The following FKBP8 variants were observed in gnomAD, a reference collection of about 807,000 sequenced individuals.
FKBP8 encodes FKBP prolyl isomerase 8, also known as peptidyl-prolyl cis-trans isomerase FKBP8.
Under a neutral mutation model 41.7 loss-of-function variants are expected in FKBP8, and 5 were observed. The ratio of observed to expected loss-of-function variants is 0.12; its 90% CI spans 0.06 to 0.25. FKBP8 has a LOEUF of 0.25. Among genes scored for constraint, FKBP8 ranks in the 10% least tolerant of loss-of-function variants. The pLI, the probability that FKBP8 is intolerant of heterozygous loss-of-function variation, is 1.00. For missense variants in FKBP8, 397 were observed against 563.0 expected (o/e 0.71, Z 2.98); for synonymous variants, 279 against 254.5 (o/e 1.10, Z -0.92).
chr19:18,537,685 G>A lies in FKBP8; in HGVS notation c.861C>T (p.Asp287=), dbSNP rs1361506489. Reference sequence around the variant, plus strand: ...AGGAGCGCAGGGCTGCGCGGTAGTGGTCGAGCTTCAGCTGCGAGGCCGCCA... The same window carrying A: ...AGGAGCGCAGGGCTGCGCGGTAGTGATCGAGCTTCAGCTGCGAGGCCGCCA... ...NNLAASQLKL[D]HYRAALRSCS... Residue 287 remains aspartate, a synonymous_variant, in exon 6 of 9, where the codon GAC becomes GAT. Transcript: ENST00000608443. The surrounding 1 kb of genome is among the most constrained non-coding windows in gnomAD (Gnocchi z 4.4). The A allele has an allele frequency of 1.2e-6, 2 of 1,613,836 alleles. No homozygotes were observed. Among genetic ancestry groups the A allele is most frequent in the Non-Finnish European group, 1.7e-6 (2 of 1,180,002 alleles).
chr19:18,539,467 G>A lies in FKBP8; in HGVS notation c.463-8C>T, dbSNP rs1287182177. On this transcript the variant is annotated splice_polypyrimidine_tract_variant and splice_region_variant and intron_variant, in intron 3 of 8. Coordinates refer to ENST00000608443, the MANE Select transcript of FKBP8 (RefSeq NM_012181.5). ...GACACTGAGATCCAGGGCCTGGGGT[G>A]TGTGGGGATAGCCAGCTGTCAGGCA... 1 of 1,613,360 alleles carries A rather than the reference G, an allele frequency of 6.2e-7. No individual in the cohort carries two copies. The highest frequency in any genetic ancestry group is 8.5e-7 in the Non-Finnish European group (1 of 1,179,724).
intron 6 of FKBP8, among the ~76,000 whole-genome samples, chr19:18,535,700 G>A (rs189493769): frequency 1.3e-4 from 19 of 150,192 alleles, no homozygotes; most frequent in African/African-American, 4.7e-4. Flanking sequence ...CTCCAGCCTG[G>A]GTGACAGAGC....
At chr19:18,532,897 G>C (rs1422647525) in intron 7 of FKBP8, 102 bp from the exon 8 acceptor site, 1 of 1,525,822 alleles carries the variant, frequency 6.6e-7, no homozygotes, top group African/African-American at 1.4e-5. Context: ...TGGGACTGTT[G>C]GGACACAGGG....
intron 6 of FKBP8, among the ~76,000 whole-genome samples, chr19:18,533,685 C>T: frequency 6.7e-6 from 1 of 149,730 alleles, no homozygotes; most frequent in African/African-American, 2.5e-5. Context: ...GTCTGGGTGA[C>T]AGAGTGCAAC....
chr19:18,532,196 G>C lies in FKBP8; in HGVS notation c.1215C>G (p.Leu405=). 2 of 1,609,042 alleles carry C rather than the reference G, an allele frequency of 1.2e-6. No individual in the cohort carries two copies. The highest frequency in any genetic ancestry group is 1.7e-6 in the Non-Finnish European group (2 of 1,178,190). The change falls in exon 9 of 9, where the codon CTC becomes CTG. Residue 405 remains leucine (L), a synonymous_variant. Coordinates refer to ENST00000608443, the MANE Select transcript of FKBP8 (RefSeq NM_012181.5). ...ATAVALGGVA[L]SVVIAARN is the part of the protein sequence containing the mutation. ...AGTTCCTGGCAGCGATGACCACAGA[G>C]AGTGCCACACCCCCCAAGGCAACAG...
chr19:18,540,988 A>G (rs1568411906), intron 2 of FKBP8, among the ~76,000 whole-genome samples: 1 of 152,166 alleles, frequency 6.6e-6, no homozygotes, highest in Non-Finnish European at 1.5e-5. Flanking sequence ...TTGTTATTAC[A>G]ATTGATAGTG....
chr19:18,533,022 A>G (rs1426318542), intron 7 of FKBP8: 2 of 749,326 alleles, frequency 2.7e-6, no homozygotes, highest in Non-Finnish European at 4.2e-6. Context: ...AGGTTCTGGA[A>G]GGAAGGCCAA....
chr19:18,531,800 G>T lies in FKBP8; in HGVS notation c.*369C>A, dbSNP rs1976455508. ...TGCTTTATTTCACTGTGGCGGGGAG[G>T]GAACCTGGACAGGGGGCGGCAGGCG... On this transcript the variant is annotated 3_prime_UTR_variant, in exon 9 of 9. Transcript: ENST00000608443. 1 of 250,814 alleles carries T rather than the reference G, an allele frequency of 4.0e-6. No homozygotes were observed. The highest frequency in any genetic ancestry group is 8.3e-5 in the East Asian group (1 of 12,092). 15.5% of individuals were successfully genotyped at this position (250,814 alleles called of 1,614,324 possible). A position where few individuals can be genotyped will look rare whatever the true frequency, so the allele number is the denominator to read the frequency against.
Position 18,538,409 on chromosome 19 carries a change from C to T in FKBP8, c.579G>A (p.Ala193=), listed in dbSNP as rs1976627831. The T allele has an allele frequency of 1.2e-6, 2 of 1,612,714 alleles. No individual in the cohort carries two copies. Among genetic ancestry groups the T allele is most frequent in the African/African-American group, 1.3e-5 (1 of 74,886 alleles). Residue 193 remains alanine (A), a synonymous_variant, in exon 5 of 9, where the codon GCG becomes GCA. Coordinates refer to ENST00000608443, the MANE Select transcript of FKBP8 (RefSeq NM_012181.5). This position sits in a 1 kb window ranked among gnomAD's most constrained non-coding sequence, Gnocchi z 4.0. ...GSRSPYIPPH[A]ALCLEVTLKT... Reference sequence around the variant, plus strand: ...TCAGGGTCACCTCCAGGCACAGGGCCGCGTGCGGGGGGATGTATGGGCTCC... The same window carrying T: ...TCAGGGTCACCTCCAGGCACAGGGCTGCGTGCGGGGGGATGTATGGGCTCC...
Position 18,537,854 on chromosome 19 carries a change from C to G in FKBP8, c.773-81G>C. On this transcript the variant is annotated intron_variant, in intron 5 of 8. Coordinates refer to ENST00000608443, the MANE Select transcript of FKBP8 (RefSeq NM_012181.5). The surrounding 1 kb of genome is among the most constrained non-coding windows in gnomAD (Gnocchi z 4.4). ...GCACCCACCCCTCTGCGGAGGCTGC[C>G]TCTCTGGCCTCAGTTTCCCCAATTT... The G allele has an allele frequency of 1.4e-6, 2 of 1,437,084 alleles. No individual in the cohort carries two copies. Among genetic ancestry groups the G allele is most frequent in the Non-Finnish European group, 1.9e-6 (2 of 1,061,668 alleles). 89.0% of individuals were successfully genotyped at this position (1,437,084 alleles called of 1,614,324 possible).
chr19:18,543,197 G>C (rs1262219146), intron 1 of FKBP8: 1 of 229,684 alleles, frequency 4.4e-6, no homozygotes, highest in African/African-American at 2.6e-5. Context: ...GACGCCACCA[G>C]TCTGGGGCAC....
Position 18,538,180 on chromosome 19 carries a change from C to T in FKBP8, c.772+36G>A. 1.9e-6 allele frequency: 3 copies of T among 1,570,596 alleles called. No homozygotes were observed. The highest frequency in any genetic ancestry group is 8.7e-7 in the Non-Finnish European group (1 of 1,151,758). ...TTCTGGCACGGAGTGGACACCTTTGCAGGGGAGATGGTGGAGATCTGACCC... is the reference window on the plus strand; with the variant it reads ...TTCTGGCACGGAGTGGACACCTTTGTAGGGGAGATGGTGGAGATCTGACCC... On this transcript the variant is annotated intron_variant, in intron 5 of 8. Coordinates refer to ENST00000608443, the MANE Select transcript of FKBP8 (RefSeq NM_012181.5). The surrounding 1 kb of genome is among the most constrained non-coding windows in gnomAD (Gnocchi z 4.0).
chr19:18,541,623 C>G, intron 2 of FKBP8, 56 bp downstream of exon 2: 1 of 1,549,044 alleles, frequency 6.5e-7, no homozygotes, highest in Non-Finnish European at 8.7e-7. Context: ...GGAAATGAGG[C>G]TCAGGGGACG....
At chr19:18,536,353 T>C (rs1976576648) in intron 6 of FKBP8, among the ~76,000 whole-genome samples, 1 of 152,084 alleles carries the variant, frequency 6.6e-6, no homozygotes, top group Non-Finnish European at 1.5e-5. Context: ...AGAACTTTTT[T>C]TTCTGTTCTC....
chr19:18,535,133 T>TG (rs1976544390), intron 6 of FKBP8, among the ~76,000 whole-genome samples: 1 of 152,134 alleles, frequency 6.6e-6, no homozygotes. Flanking sequence ...TTCCCCAGGA[T>TG]GGTTTCGAAC....
rs907632119 is a variant in FKBP8 at position 18,531,871 on chromosome 19, T to C, written c.*298A>G. The C allele has an allele frequency of 2.8e-5, 11 of 394,640 alleles. No homozygotes were observed. The highest frequency in any genetic ancestry group is 5.2e-5 in the Non-Finnish European group (11 of 211,416). 24.4% of individuals were successfully genotyped at this position (394,640 alleles called of 1,614,324 possible). A position where few individuals can be genotyped will look rare whatever the true frequency, so the allele number is the denominator to read the frequency against. ...GGCGGGGACTAGGCAGGGGAAGGGC[T>C]GCCCCCAGGCCTGTTGAGGAGAAAC... is the stretch of plus-strand genomic sequence containing the variant. On this transcript the variant is annotated 3_prime_UTR_variant, in exon 9 of 9. Coordinates refer to ENST00000608443, the MANE Select transcript of FKBP8 (RefSeq NM_012181.5).
Position 18,538,292 on chromosome 19 carries a change from G to A in FKBP8, c.696C>T (p.His232=), listed in dbSNP as rs1290878795. The change falls in exon 5 of 9, where the codon CAC becomes CAT. Residue 232 remains histidine, a synonymous_variant. Transcript: ENST00000608443. This position sits in a 1 kb window ranked among gnomAD's most constrained non-coding sequence, Gnocchi z 4.0. ...ANRKRECGNA[H]YQRADFVLAA... ...CCAGGACGAAGTCCGCCCGCTGGTA[G>A]TGGGCGTTGCCGCACTCCCGCTTCC... 4 of 1,613,586 alleles carry A rather than the reference G, an allele frequency of 2.5e-6. No individual in the cohort carries two copies. In the South Asian group the frequency reaches 4.4e-5, roughly 18 times the overall value.
Position 18,538,840 on chromosome 19 carries a change from A to C in FKBP8, c.552-404T>G. On this transcript the variant is annotated intron_variant, in intron 4 of 8. Coordinates refer to ENST00000608443, the MANE Select transcript of FKBP8 (RefSeq NM_012181.5). This position sits in a 1 kb window ranked among gnomAD's most constrained non-coding sequence, Gnocchi z 4.0. ...TTTTTTTTTTTTTTTTTTTTGAGAC[A>C]GTCTTGCTCTCTTGCCCAGGCTGGA... Among the ~76,000 whole-genome samples the C allele has an allele frequency of 9.6e-6, 1 of 104,042 alleles. No homozygotes were observed. Among genetic ancestry groups the C allele is most frequent in the Non-Finnish European group, 1.8e-5 (1 of 54,964 alleles). The allele number at this position is 104,042 out of a possible 152,430, so 68.3% of individuals were successfully genotyped here.
chr19:18,536,265 G>A (rs1976573182), intron 6 of FKBP8: 1 of 152,160 alleles, frequency 6.6e-6, no homozygotes, highest in Admixed American at 6.6e-5. Flanking sequence ...CTAGGGGTGA[G>A]GCTGTGAGGA....
Sources: gnomAD v4.1 joint callset for allele counts (sites outside exome capture counted in the v4.1 genomes callset) on GRCh38, gnomAD v4.1.1 for gene constraint, Gnocchi (gnomAD v3.1) non-coding constraint, MANE v1.5 for transcripts, NCBI Gene and HGNC (gene_info 2026-07-23, HGNC 2026-07-21) for gene names.